ADRA1B: variants seen among roughly 807,000 people sequenced by gnomAD.
ADRA1B encodes the protein alpha-1B adrenergic receptor.
ADRA1B carries 17 observed loss-of-function variants against 17.9 expected under a neutral mutation model. That is an observed-to-expected ratio of 0.95 (90% CI 0.65 to 1.42). The LOEUF is 1.42. Among genes scored for constraint, ADRA1B ranks in the 40% most tolerant of loss-of-function variants. ADRA1B has a pLI of 0.00. For synonymous variants in ADRA1B, 366 were observed against 327.6 expected, an observed-to-expected ratio of 1.12 and a Z score of -1.27; for missense variants, 681 against 722.1, an observed-to-expected ratio of 0.94 and a Z score of 0.65.
intron 1 of ADRA1B, chr5:159,871,509 T>A (rs1389565854): frequency 1.3e-5 from 2 of 152,238 alleles, no homozygotes; most frequent in Non-Finnish European, 1.5e-5. Context: ...CAGCTTCTAG[T>A]GATTCTAATT....
intron 1 of ADRA1B, among the ~76,000 whole-genome samples, chr5:159,954,392 T>C (rs1053702216): frequency 6.6e-6 from 1 of 152,184 alleles, no homozygotes; most frequent in Admixed American, 6.5e-5. Context: ...ATCTCTTTTA[T>C]AAGGGTATGA....
intron 1 of ADRA1B, among the ~76,000 whole-genome samples, chr5:159,892,896 C>T (rs1453317769): frequency 2.6e-5 from 4 of 152,156 alleles, no homozygotes; most frequent in South Asian, 2.1e-4. Flanking sequence ...TTTAGGTCGC[C>T]GAGGATTCGC....
intron 1 of ADRA1B, chr5:159,954,989 T>C (rs1162307703): frequency 1.0e-5 from 3 of 286,702 alleles, no homozygotes; most frequent in Admixed American, 6.5e-5. Context: ...GGCATGCCGG[T>C]AGACCTAGAC....
chr5:159,950,328 A>T (rs1581061028), intron 1 of ADRA1B, among the ~76,000 whole-genome samples: 1 of 152,188 alleles, frequency 6.6e-6, no homozygotes, highest in East Asian at 1.9e-4. Context: ...AGTACATGAC[A>T]AGGTGGGGCT....
chr5:159,961,871 C>T (rs538753274), intron 1 of ADRA1B, among the ~76,000 whole-genome samples: 13 of 152,312 alleles, frequency 8.5e-5, no homozygotes, highest in Admixed American at 3.9e-4. Context: ...TAGGTCCCCA[C>T]GCCACACTGC....
rs1754313279 is a variant in ADRA1B at position 159,916,613 on chromosome 5, C to T, written c.-293C>T. The T allele has an allele frequency of 3.8e-6, 1 of 265,034 alleles. No homozygotes were observed. The highest frequency in any genetic ancestry group is 1.2e-4 in the South Asian group (1 of 8,066). 16.4% of individuals were successfully genotyped at this position (265,034 alleles called of 1,614,324 possible). ...CCCCGGCCCTGCCGCCCCCTCCTCC[C>T]CGCCGCTCCCCCGCGAGCCCGGCCA... On this transcript the variant is annotated 5_prime_UTR_variant, in exon 1 of 2. Transcript: ENST00000306675.
intron 1 of ADRA1B, among the ~76,000 whole-genome samples, chr5:159,893,369 A>C (rs1452581085): frequency 3.1e-5 from 1 of 32,398 alleles, no homozygotes; most frequent in African/African-American, 2.8e-4. Context: ...GCTTATGCCC[A>C]GTGCCTTATC....
At chr5:159,881,099 A>G (rs4921532) in intron 1 of ADRA1B, among the ~76,000 whole-genome samples, 106,942 of 150,646 alleles carry the variant, frequency 0.71, 39,667 homozygotes, top group African/African-American at 0.88. Flanking sequence ...GCGTGAACCC[A>G]GGAAGCGGAG....
intron 1 of ADRA1B, chr5:159,937,623 G>T (rs190064616): frequency 2.6e-5 from 4 of 152,014 alleles, no homozygotes; most frequent in Admixed American, 2.6e-4. Flanking sequence ...CTAATTTTTT[G>T]CATTTTAGTA....
chr5:159,875,538 C>T (rs542891137), intron 1 of ADRA1B, among the ~76,000 whole-genome samples: 12 of 152,276 alleles, frequency 7.9e-5, no homozygotes, highest in Non-Finnish European at 8.8e-5. Flanking sequence ...TTTCAACATG[C>T]ATTTCTAAAT....
chr5:159,968,795 G>T lies in ADRA1B; in HGVS notation c.950-3084G>T, dbSNP rs147531199. ...GAATCTCACTATGTTGCCCCGGCTG[G>T]TCTCAAAATCCTGGTCTCAAGTTAT... is the stretch of plus-strand genomic sequence containing the variant. On this transcript the variant is annotated intron_variant, in intron 1 of 1. Transcript: ENST00000306675. Among the ~76,000 whole-genome samples the T allele has an allele frequency of 7.4e-4, 113 of 152,258 alleles. 2 individuals are homozygous for T. The East Asian group carries it at 0.01, about 14-fold the overall frequency.
intron 1 of ADRA1B, among the ~76,000 whole-genome samples, chr5:159,960,507 G>A (rs955808621): frequency 1.3e-5 from 2 of 152,120 alleles, no homozygotes; most frequent in South Asian, 2.1e-4. Context: ...ATTGTAATGC[G>A]GGCTAAGGCA....
At chr5:159,914,204 A>C (rs1201439680), upstream of ADRA1B, among the ~76,000 whole-genome samples, 2 of 152,176 alleles carry the variant, frequency 1.3e-5, no homozygotes, top group African/African-American at 4.8e-5. Flanking sequence ...GACTAGTCTG[A>C]GCCACCCAGG....
intron 1 of ADRA1B, among the ~76,000 whole-genome samples, chr5:159,899,270 G>GGAAA (rs1754071673): frequency 8.9e-6 from 1 of 112,496 alleles, no homozygotes. Context: ...AAGAAAGGAA[G>GGAAA]GAAGGAAGGA....
chr5:159,950,184 G>A (rs1320227813), intron 1 of ADRA1B, among the ~76,000 whole-genome samples: 3 of 152,248 alleles, frequency 2.0e-5, no homozygotes, highest in Non-Finnish European at 4.4e-5. Context: ...AGGATTAGGG[G>A]TGAAACATCT....
At chr5:159,965,535 C>CCA (rs1192984777) in intron 1 of ADRA1B, among the ~76,000 whole-genome samples, 3 of 152,182 alleles carry the variant, frequency 2.0e-5, no homozygotes, top group African/African-American at 7.2e-5. Flanking sequence ...ACGATCCCTG[C>CCA]CACACATCCT....
chr5:159,896,153 A>G (rs1374072826), intron 1 of ADRA1B, among the ~76,000 whole-genome samples: 1 of 152,226 alleles, frequency 6.6e-6, no homozygotes, highest in Admixed American at 6.5e-5. Flanking sequence ...GAATCAATAA[A>G]TGACAGTCCT....
chr5:159,887,564 C>A (rs546259680), intron 1 of ADRA1B, among the ~76,000 whole-genome samples: 1 of 152,272 alleles, frequency 6.6e-6, no homozygotes, highest in South Asian at 2.1e-4. Flanking sequence ...AAGATAAGCA[C>A]CCAGACTTCT....
chr5:159,988,838 G>C, the ADRA1B span, among the ~76,000 whole-genome samples: 1 of 152,134 alleles, frequency 6.6e-6, no homozygotes, highest in Non-Finnish European at 1.5e-5. Context: ...AAATTAGCCA[G>C]GTTTGGTGAT....
Sources: allele counts gnomAD v4.1 joint callset (sites outside exome capture counted in the v4.1 genomes callset), GRCh38; gene constraint gnomAD v4.1.1; transcripts MANE v1.5; gene names NCBI Gene and HGNC (gene_info 2026-07-23, HGNC 2026-07-21).